PTPN14: variants seen among roughly 807,000 people sequenced by gnomAD.
The protein encoded by PTPN14 is tyrosine-protein phosphatase non-receptor type 14.
Under a neutral mutation model 126.8 loss-of-function variants are expected in PTPN14, and 53 were observed. The observed-to-expected ratio is 0.42, with a 90% CI of 0.34 to 0.53. The LOEUF (loss-of-function observed/expected upper bound fraction) is 0.53, where lower values mean the gene tolerates loss of function less well. PTPN14 is among the 20% of genes least tolerant of loss of function. The pLI, the probability that PTPN14 is intolerant of heterozygous loss-of-function variation, is 0.08. For missense variants in PTPN14, 1,257 were observed against 1,552.9 expected (o/e 0.81, Z 3.20); for synonymous variants, 630 against 599.3 (o/e 1.05, Z -0.75).
At chr1:214,517,789 A>G in intron 1 of PTPN14, among the ~76,000 whole-genome samples, 1 of 152,088 alleles carries the variant, frequency 6.6e-6, no homozygotes, top group East Asian at 1.9e-4. Context: ...TATAAAAAAT[A>G]CAAAAATTAT....
At chr1:214,391,122 G>C (rs184320616) in intron 10 of PTPN14, 77 bp from the exon 11 acceptor site, 2 of 1,124,114 alleles carry the variant, frequency 1.8e-6, no homozygotes, top group Non-Finnish European at 2.5e-6. Context: ...GGAAGGAGAG[G>C]AAGAGAATAA....
chr1:214,474,617 T>C (rs1660828794), intron 1 of PTPN14, among the ~76,000 whole-genome samples: 1 of 152,198 alleles, frequency 6.6e-6, no homozygotes, highest in South Asian at 2.1e-4. Context: ...AATAAATACA[T>C]TTTTAAGTAA....
At position 214,526,040 on chromosome 1, in the gene PTPN14, G is replaced by A. The variant is rs1156256308; in HGVS notation, c.-155+25143C>T. Among the ~76,000 whole-genome samples the A allele has an allele frequency of 4.0e-5, 6 of 149,386 alleles. No individual in the cohort carries two copies. The East Asian group carries it at 5.9e-4, about 15-fold the overall frequency. ...GAGTGCAGTGGCATGATTTCAGCTC[G>A]CTGCAGCCCCTGTCTCCTGGGTTCC... is the stretch of plus-strand genomic sequence containing the variant. On this transcript the variant is annotated intron_variant, in intron 1 of 18. Transcript: ENST00000366956.
Position 214,551,353 on chromosome 1 carries a change from C to A in PTPN14, c.-325G>T, listed in dbSNP as rs1656108449. Reference sequence around the variant, plus strand: ...GGAGGTTTCCGCCGCGATCCCGGCGCGAGAGTCCGAGCAGAGGCGCACCGG... The same window carrying A: ...GGAGGTTTCCGCCGCGATCCCGGCGAGAGAGTCCGAGCAGAGGCGCACCGG... On this transcript the variant is annotated 5_prime_UTR_variant, in exon 1 of 19. Transcript: ENST00000366956. 6.6e-6 allele frequency: 1 copy of A among 152,628 alleles called. No individual in the cohort carries two copies. Among genetic ancestry groups the A allele is most frequent in the Admixed American group, 6.5e-5 (1 of 15,292 alleles). The allele number at this position is 152,628 out of a possible 1,614,324, so 9.5% of individuals were successfully genotyped here. A position where few individuals can be genotyped will look rare whatever the true frequency, so the allele number is the denominator to read the frequency against.
chr1:214,499,669 G>A (rs1654631880), intron 1 of PTPN14, among the ~76,000 whole-genome samples: 1 of 152,070 alleles, frequency 6.6e-6, no homozygotes, highest in Non-Finnish European at 1.5e-5. Flanking sequence ...CCATTTATGT[G>A]AATTCAGAAA....
intron 2 of PTPN14, among the ~76,000 whole-genome samples, chr1:214,452,472 G>A (rs775454210): frequency 2.0e-4 from 31 of 152,118 alleles, no homozygotes; most frequent in Non-Finnish European, 4.0e-4. Flanking sequence ...AGATTTTAAC[G>A]GAGAATTTAT....
At chr1:214,451,043 C>G (rs916593221) in intron 3 of PTPN14, among the ~76,000 whole-genome samples, 1 of 152,228 alleles carries the variant, frequency 6.6e-6, no homozygotes, top group Non-Finnish European at 1.5e-5. Context: ...AACTTTACTC[C>G]CACTTTTAGT....
At chr1:214,470,397 C>T (rs898285347) in intron 1 of PTPN14, among the ~76,000 whole-genome samples, 4 of 151,998 alleles carry the variant, frequency 2.6e-5, no homozygotes, top group Admixed American at 6.6e-5. Context: ...TTCCTAGGCG[C>T]ATCTTATAAA....
chr1:214,493,670 A>G (rs1359978427), intron 1 of PTPN14, among the ~76,000 whole-genome samples: 2 of 152,224 alleles, frequency 1.3e-5, no homozygotes, highest in Admixed American at 6.5e-5. Context: ...CTATTCAGAG[A>G]CACAGTGGGA....
Position 214,369,666 on chromosome 1 carries a change from C to T in PTPN14, c.3062G>A (p.Arg1021Gln), listed in dbSNP as rs202097883. The T allele has an allele frequency of 6.8e-6, 11 of 1,613,984 alleles. No individual in the cohort carries two copies. The highest frequency in any genetic ancestry group is 1.3e-5 in the African/African-American group (1 of 74,894). Residue 1021 changes from arginine to glutamine, a missense_variant, in exon 17 of 19, where the codon CGA (arginine) becomes CAA (glutamine). Arg to Gln is a conservative substitution (Grantham distance 43, BLOSUM62 1). This residue lies in a region of PTPN14 where 171 missense variants were observed against 229.8 expected (regional missense o/e 0.74). Coordinates refer to ENST00000366956, the MANE Select transcript of PTPN14 (RefSeq NM_005401.5). Reference sequence around the variant, plus strand: ...CTTTGAACCTAGTTTGGGCCAGTATCGGTGGCTTTTGGTTCGTCCACCCTC... The same window carrying T: ...CTTTGAACCTAGTTTGGGCCAGTATTGGTGGCTTTTGGTTCGTCCACCCTC... Reference protein sequence around the residue: ...EEEGGRTKSHRYWPKLGSKHS... With the variant: ...EEEGGRTKSHQYWPKLGSKHS...
rs1658671035 is a variant in PTPN14 at position 214,388,347 on chromosome 1, C to T, written c.988-1425G>A. The stretch of plus-strand genomic sequence containing the variant: ...AGTTTTGATTTGCGGGGGAAAAAAC[C>T]CTCAAAACGCTTACGTTTGTAAGCC... On this transcript the variant is annotated intron_variant, in intron 11 of 18. Transcript: ENST00000366956. Among the ~76,000 whole-genome samples, 2 of 151,962 alleles carry T rather than the reference C, an allele frequency of 1.3e-5. 1 individual carries two copies.
chr1:214,533,698 G>A (rs538109596), intron 1 of PTPN14, among the ~76,000 whole-genome samples: 504 of 152,062 alleles, frequency 3.3e-3, no homozygotes, highest in African/African-American at 0.011. Flanking sequence ...TTAGCCGGGC[G>A]TGGTGGCGGG....
At chr1:214,380,941 T>C (rs1658458161) in intron 13 of PTPN14, among the ~76,000 whole-genome samples, 2 of 152,148 alleles carry the variant, frequency 1.3e-5, no homozygotes, top group African/African-American at 2.4e-5. Flanking sequence ...GCCGGTGTCC[T>C]TGAGCTCCTG....
In PTPN14 at chr1:214,505,904, C is replaced by T. The variant is rs1024211278; in HGVS notation, c.-154-40947G>A. Among the ~76,000 whole-genome samples, 33 of 152,170 alleles carry T rather than the reference C, an allele frequency of 2.2e-4. 1 individual carries two copies. Among genetic ancestry groups the T allele is most frequent in the African/African-American group, 7.5e-4 (31 of 41,508 alleles). On this transcript the variant is annotated intron_variant, in intron 1 of 18. Coordinates refer to ENST00000366956, the MANE Select transcript of PTPN14 (RefSeq NM_005401.5). The stretch of plus-strand genomic sequence containing the variant: ...GAGTTAGACTTTGTCTCAAAAAAAT[C>T]GAGTTTGTAATAAGCAGAAAATATT...
chr1:214,479,400 C>A (rs151183823), intron 1 of PTPN14, among the ~76,000 whole-genome samples: 2 of 148,512 alleles, frequency 1.3e-5, no homozygotes, highest in South Asian at 2.1e-4. Flanking sequence ...AGTGCAATGG[C>A]GTGATCTTGG....
chr1:214,505,057 G>A (rs6687162), intron 1 of PTPN14, among the ~76,000 whole-genome samples: 38,390 of 151,888 alleles, frequency 0.25, 7,461 homozygotes, highest in African/African-American at 0.54. Context: ...GATACTTGTG[G>A]CCAGTCTCAT....
chr1:214,431,000 G>A (rs1315727299), intron 3 of PTPN14, among the ~76,000 whole-genome samples: 2 of 152,194 alleles, frequency 1.3e-5, no homozygotes, highest in African/African-American at 2.4e-5. Flanking sequence ...GGTGAGTCTG[G>A]AAGGCAAAGG....
intron 1 of PTPN14, among the ~76,000 whole-genome samples, chr1:214,543,041 C>G (rs573868607): frequency 6.6e-6 from 1 of 152,152 alleles, no homozygotes; most frequent in Non-Finnish European, 1.5e-5. Flanking sequence ...CTTGGATATG[C>G]GTGAGCTGGC....
At chr1:214,385,373 T>C (rs1211857695) in intron 12 of PTPN14, among the ~76,000 whole-genome samples, 3 of 152,178 alleles carry the variant, frequency 2.0e-5, no homozygotes, top group African/African-American at 7.2e-5. Flanking sequence ...AGAGTTCTTT[T>C]TGGTAATTCC....
Sources: allele counts gnomAD v4.1 joint callset (sites outside exome capture counted in the v4.1 genomes callset), GRCh38; gene constraint gnomAD v4.1.1; regional missense constraint gnomAD v4.1.1; transcripts MANE v1.5; gene names NCBI Gene and HGNC (gene_info 2026-07-23, HGNC 2026-07-21).